Variants in CD109 observed in about 807,000 individuals in gnomAD.
CD109 encodes the protein CD109 antigen.
A neutral mutation model predicts 165.8 loss-of-function variants in CD109; 149 were observed. That is an observed-to-expected ratio of 0.90 (90% confidence interval 0.79 to 1.03). The LOEUF is 1.03. Ranked by LOEUF, CD109 falls within the 50% of genes least tolerant of loss-of-function variation. The pLI, the probability that CD109 is intolerant of heterozygous loss-of-function variation, is 0.00. For missense variants in CD109, 1,712 were observed against 1,677.8 expected (o/e 1.02, Z -0.36); for synonymous variants, 585 against 592.1 (o/e 0.99, Z 0.18).
intron 2 of CD109, among the ~76,000 whole-genome samples, chr6:73,708,569 A>AC (rs1391970928): frequency 2.6e-5 from 4 of 152,198 alleles, no homozygotes; most frequent in African/African-American, 9.7e-5. Flanking sequence ...CTGAGGAATC[A>AC]CCACCCTGTC....
At chr6:73,821,981 A>T (rs1029766468) in intron 32 of CD109, among the ~76,000 whole-genome samples, 2 of 152,192 alleles carry the variant, frequency 1.3e-5, no homozygotes, top group Non-Finnish European at 2.9e-5. Flanking sequence ...TTATTGAGGG[A>T]GTCTGGTGTT....
rs1283135820 is a variant in CD109 at position 73,815,096 on chromosome 6, A to G, written c.3884A>G (p.Asn1295Ser). 49 of 1,587,640 alleles carry G rather than the reference A, an allele frequency of 3.1e-5. No individual in the cohort carries two copies. The highest frequency in any genetic ancestry group is 4.1e-5 in the Non-Finnish European group (48 of 1,171,900). ...VAVKENKDDL[N>S]HVDLNVCTSF... is the part of the protein sequence containing the mutation. ...GTAAAAGAAAATAAAGATGATCTCA[A>G]TCATGTGGATTTGAATGTGTGTACA... The change falls in exon 30 of 33, where the codon AAT (asparagine) becomes AGT (serine). Residue 1295 changes from asparagine (N) to serine (S), a missense_variant. By Grantham distance (46) the Asn-to-Ser change is conservative (BLOSUM62 1). Coordinates refer to ENST00000287097, the MANE Select transcript of CD109 (RefSeq NM_133493.5).
chr6:73,697,085 A>G (rs1386917080), intron 1 of CD109, among the ~76,000 whole-genome samples: 2 of 152,220 alleles, frequency 1.3e-5, no homozygotes, highest in Non-Finnish European at 2.9e-5. Context: ...CAATAACTCC[A>G]TTATGCCCCG....
intron 4 of CD109, among the ~76,000 whole-genome samples, chr6:73,732,981 G>C (rs1772418832): frequency 6.6e-6 from 1 of 152,166 alleles, no homozygotes; most frequent in South Asian, 2.1e-4. Context: ...AACTATGAGT[G>C]AGGGGTGGCC....
intron 2 of CD109, among the ~76,000 whole-genome samples, chr6:73,703,077 G>A (rs1300283667): frequency 6.6e-6 from 1 of 152,216 alleles, no homozygotes; most frequent in Non-Finnish European, 1.5e-5. Context: ...TTTTGGAGGT[G>A]AGGAAATTGA....
intron 23 of CD109, among the ~76,000 whole-genome samples, chr6:73,793,531 G>T (rs552164397): frequency 7.9e-5 from 12 of 152,292 alleles, no homozygotes; most frequent in African/African-American, 2.9e-4. Flanking sequence ...TTTTGCAGAT[G>T]AGGAAGCTGA....
intron 15 of CD109, among the ~76,000 whole-genome samples, chr6:73,773,227 T>A (rs1243071029): frequency 6.6e-6 from 1 of 150,598 alleles, no homozygotes; most frequent in Non-Finnish European, 1.5e-5. Context: ...TATATACATA[T>A]AATATATGCA....
In CD109 at chr6:73,768,186, A is replaced by G; in HGVS notation, c.1629A>G (p.Ile543Met). The G allele has an allele frequency of 6.3e-7, 1 of 1,596,696 alleles. No homozygotes were observed. Among genetic ancestry groups the G allele is most frequent in the Non-Finnish European group, 8.6e-7 (1 of 1,164,762 alleles). ...VYYIEDDGEIISDVLKIPVQL... is the reference protein window; with the variant it reads ...VYYIEDDGEIMSDVLKIPVQL... ...ATATTGAAGATGATGGGGAAATTAT[A>G]AGTGATGTTCTAAAAATTCCTGTTC... The change falls in exon 14 of 33, where the codon ATA (isoleucine) becomes ATG (methionine). Residue 543 changes from isoleucine to methionine, a missense_variant. Transcript: ENST00000287097.
At chr6:73,708,700 G>T (rs1562022309) in intron 2 of CD109, among the ~76,000 whole-genome samples, 2 of 152,180 alleles carry the variant, frequency 1.3e-5, no homozygotes, top group Non-Finnish European at 2.9e-5. Context: ...TCTAACTGGT[G>T]TGAGATGGTA....
intron 5 of CD109, among the ~76,000 whole-genome samples, chr6:73,750,782 A>T (rs190472909): frequency 5.5e-4 from 83 of 152,164 alleles, no homozygotes; most frequent in African/African-American, 1.9e-3. Flanking sequence ...TGTGAGGTTG[A>T]ACATTTATTA....
intron 3 of CD109, among the ~76,000 whole-genome samples, chr6:73,729,500 A>G (rs1196953801): frequency 4.6e-5 from 6 of 129,970 alleles, no homozygotes; most frequent in Middle Eastern, 3.8e-3. Flanking sequence ...TGTTATTATT[A>G]TTATTATTAT....
chr6:73,807,792 A>G (rs75525141), intron 25 of CD109, among the ~76,000 whole-genome samples: 4,433 of 152,294 alleles, frequency 0.029, 237 homozygotes, highest in African/African-American at 0.1. Flanking sequence ...TGCTGTTCTT[A>G]TCTGAGTCTG....
At chr6:73,682,759 A>G in the CD109 span, among the ~76,000 whole-genome samples, 1 of 152,164 alleles carries the variant, frequency 6.6e-6, no homozygotes. Context: ...ATTTTTATAC[A>G]TCTTCTGAAA....
chr6:73,800,741 G>A (rs982366529), intron 23 of CD109, among the ~76,000 whole-genome samples: 1 of 151,846 alleles, frequency 6.6e-6, no homozygotes, highest in Non-Finnish European at 1.5e-5. Flanking sequence ...TATCTGTTTT[G>A]CCTTTTATTC....
At chr6:73,742,608 C>G (rs538333320) in intron 5 of CD109, among the ~76,000 whole-genome samples, 2 of 152,316 alleles carry the variant, frequency 1.3e-5, no homozygotes, top group African/African-American at 4.8e-5. Context: ...TCCAAGAGCC[C>G]GAAAGAAGAG....
chr6:73,703,482 T>A (rs1455475242), intron 2 of CD109, among the ~76,000 whole-genome samples: 1 of 152,018 alleles, frequency 6.6e-6, no homozygotes, highest in Admixed American at 6.6e-5. Flanking sequence ...GATCTGGGGA[T>A]TTTCCCAAGG....
chr6:73,753,915 TG>T (rs1323037855), intron 5 of CD109, among the ~76,000 whole-genome samples: 48 of 152,246 alleles, frequency 3.2e-4, no homozygotes, highest in African/African-American at 1.2e-3. Flanking sequence ...TTTATACTTA[TG>T]TTTATTCAAC....
chr6:73,813,890 A>G (rs913331607), intron 29 of CD109, among the ~76,000 whole-genome samples: 1 of 152,134 alleles, frequency 6.6e-6, no homozygotes, highest in Non-Finnish European at 1.5e-5. Flanking sequence ...AAGGGGAATG[A>G]TGGAAATAAT....
At chr6:73,703,376 C>T in intron 2 of CD109, among the ~76,000 whole-genome samples, 1 of 152,206 alleles carries the variant, frequency 6.6e-6, no homozygotes. Flanking sequence ...TCTTAATTTA[C>T]TTTCAGCCTC....
Sources: allele counts gnomAD v4.1 joint callset (sites outside exome capture counted in the v4.1 genomes callset), GRCh38; gene constraint gnomAD v4.1.1; transcripts MANE v1.5; gene names NCBI Gene and HGNC (gene_info 2026-07-23, HGNC 2026-07-21).